The following PASD1 variants were observed in gnomAD, a reference collection of about 807,000 sequenced individuals.
The protein encoded by PASD1 is PAS domain containing repressor 1.
A neutral mutation model predicts 58.8 loss-of-function variants in PASD1; 13 were observed. The ratio of observed to expected loss-of-function variants is 0.22; its 90% confidence interval spans 0.14 to 0.35. PASD1 has a LOEUF of 0.35. Ranked by LOEUF, PASD1 falls within the 10% of genes least tolerant of loss-of-function variation. PASD1 has a pLI of 1.00. For synonymous variants in PASD1, 236 were observed against 216.7 expected (o/e 1.09, Z -0.78); for missense variants, 734 against 568.3 (o/e 1.29, Z -2.96).
chrX:151,587,225 CTTTTTT>C (rs33922090), intron 1 of PASD1, among the ~76,000 whole-genome samples: 1 of 82,483 alleles, frequency 1.2e-5, no homozygotes, highest in Admixed American at 1.6e-4. Context: ...CTGGGTTTGC[CTTTTTT>C]TTTTTTTTTT....
intron 5 of PASD1, 49 bp downstream of exon 5, chrX:151,621,078 TAAC>T: frequency 2.4e-6 from 2 of 823,762 alleles, no homozygotes; most frequent in Non-Finnish European, 3.5e-6. Context: ...AAGGGACAAG[TAAC>T]AATCGCTCAA....
rs192259466 is a variant in PASD1, at chrX:151,630,517, A to G, written c.629+4987A>G. Among the ~76,000 whole-genome samples the G allele has an allele frequency of 2.6e-3, 289 of 112,718 alleles. 1 individual carries two copies. Among genetic ancestry groups the G allele is most frequent in the African/African-American group, 9.0e-3 (279 of 31,090 alleles). The stretch of plus-strand genomic sequence containing the variant: ...GTACCCTATTGCTTGATTTTTTCAT[A>G]GACTTGTCCCTTGTCCCCATGATAT... On this transcript the variant is annotated intron_variant, in intron 8 of 15. Transcript: ENST00000370357.
intron 6 of PASD1, among the ~76,000 whole-genome samples, chrX:151,621,990 A>G (rs1248863102): frequency 9.1e-6 from 1 of 109,795 alleles, no homozygotes; most frequent in Non-Finnish European, 1.9e-5. Context: ...CATAGGCTCC[A>G]TTGGCTGGGG....
At chrX:151,636,434 C>T (rs1323442483) in intron 8 of PASD1, among the ~76,000 whole-genome samples, 1 of 111,236 alleles carries the variant, frequency 9.0e-6, no homozygotes, top group Admixed American at 9.6e-5. Context: ...AGAAATTTCT[C>T]GCTCTGTCGC....
At position 151,674,172 on chromosome X, in the gene PASD1, C is replaced by T. The variant is rs2014514835; in HGVS notation, c.2161C>T (p.Pro721Ser). ...CDEQGTLHGQ[P>S]TYHQVQVSEV... is the part of the protein sequence containing the mutation. ...TGAGCAGGGCACCCTGCACGGCCAA[C>T]CCACCTACCATCAGGTATGGGACAG... Residue 721 changes from proline (P) to serine (S), a missense_variant, in exon 15 of 16, where the codon CCC becomes TCC. Physicochemically the swap from Pro to Ser is moderately conservative, Grantham distance 74 (BLOSUM62 -1). Transcript: ENST00000370357. 7 of 1,211,986 alleles carry T rather than the reference C, an allele frequency of 5.8e-6. No individual in the cohort carries two copies. The East Asian group carries it at 2.1e-4, about 36-fold the overall frequency.
At chrX:151,636,256 T>A (rs930055797) in intron 8 of PASD1, among the ~76,000 whole-genome samples, 1 of 111,811 alleles carries the variant, frequency 8.9e-6, no homozygotes, top group African/African-American at 3.2e-5. Context: ...TGCTGAGGAG[T>A]ATTCTATTGT....
At chrX:151,634,130 T>C (rs1335748169) in intron 8 of PASD1, among the ~76,000 whole-genome samples, 1 of 111,717 alleles carries the variant, frequency 9.0e-6, no homozygotes, top group African/African-American at 3.3e-5. Context: ...AACTTTTTAT[T>C]TGAATATTGG....
chrX:151,664,903 G>A (rs760637999), intron 11 of PASD1, among the ~76,000 whole-genome samples: 1 of 112,058 alleles, frequency 8.9e-6, no homozygotes, highest in South Asian at 3.8e-4. Context: ...ATTAACTACT[G>A]TGTAGTTCCT....
intron 1 of PASD1, among the ~76,000 whole-genome samples, chrX:151,581,227 C>CAAAAAAAA (rs55664238): frequency 1.3e-4 from 4 of 31,498 alleles, no homozygotes; most frequent in South Asian, 5.0e-3. Flanking sequence ...AGCTCTGTAT[C>CAAAAAAAA]AAAAAAAAAA....
chrX:151,668,161 T>A (rs759047773), intron 11 of PASD1, among the ~76,000 whole-genome samples: 2 of 111,693 alleles, frequency 1.8e-5, no homozygotes, highest in South Asian at 7.7e-4. Flanking sequence ...ATAGCTGTTA[T>A]CATTTTGAGA....
intron 1 of PASD1, among the ~76,000 whole-genome samples, chrX:151,600,602 G>A (rs763395275): frequency 5.4e-5 from 6 of 110,462 alleles, no homozygotes; most frequent in African/African-American, 2.0e-4. Context: ...TAGCCTCTGG[G>A]AGTCCTGGCT....
chrX:151,572,198 T>TA (rs1165712377), intron 1 of PASD1, among the ~76,000 whole-genome samples: 6 of 111,649 alleles, frequency 5.4e-5, no homozygotes, highest in Admixed American at 3.8e-4. Flanking sequence ...ATAAGAGCTA[T>TA]AGCTCTTCTT....
rs1179196028 is a variant in PASD1, at chrX:151,664,103, G to T, written c.842-16G>T. On this transcript the variant is annotated splice_polypyrimidine_tract_variant and intron_variant, in intron 10 of 15. Coordinates refer to ENST00000370357, the MANE Select transcript of PASD1 (RefSeq NM_173493.3). ...TGCTTTTTAAGTCATGAACTCCCCT[G>T]TGCTTTCTTCCTCAGCCTTATCCTT... is the stretch of plus-strand genomic sequence containing the variant. 2 of 1,211,205 alleles carry T rather than the reference G, an allele frequency of 1.7e-6. No homozygotes were observed. The highest frequency in any genetic ancestry group is 2.2e-6 in the Non-Finnish European group (2 of 895,235).
At chrX:151,589,365 A>G (rs953087244) in intron 1 of PASD1, among the ~76,000 whole-genome samples, 1 of 111,624 alleles carries the variant, frequency 9.0e-6, no homozygotes, top group African/African-American at 3.3e-5. Flanking sequence ...TGTTGCAACA[A>G]CAGGTGATGT....
intron 10 of PASD1, among the ~76,000 whole-genome samples, chrX:151,660,590 A>G (rs2014297317): frequency 1.8e-5 from 2 of 112,455 alleles, no homozygotes; most frequent in South Asian, 7.3e-4. Flanking sequence ...TGATTTCTAA[A>G]ATTTATAAGA....
intron 1 of PASD1, among the ~76,000 whole-genome samples, chrX:151,595,454 T>C (rs761646128): frequency 4.4e-4 from 49 of 110,780 alleles, no homozygotes; most frequent in Non-Finnish European, 7.2e-4. Context: ...CGCAGTGGCT[T>C]ACGCCTGTAA....
At chrX:151,580,465 C>T (rs750554415) in intron 1 of PASD1, among the ~76,000 whole-genome samples, 1 of 108,612 alleles carries the variant, frequency 9.2e-6, no homozygotes, top group East Asian at 2.9e-4. Context: ...CTCCTGTTGA[C>T]CTTTTCCTTC....
At chrX:151,608,840 A>G (rs1462790944) in intron 3 of PASD1, among the ~76,000 whole-genome samples, 1 of 111,437 alleles carries the variant, frequency 9.0e-6, no homozygotes, top group Non-Finnish European at 1.9e-5. Context: ...TTTCAAATTT[A>G]TTGGCATAAA....
intron 1 of PASD1, among the ~76,000 whole-genome samples, chrX:151,586,430 G>A (rs995109839): frequency 8.9e-6 from 1 of 111,877 alleles, no homozygotes; most frequent in East Asian, 2.8e-4. Flanking sequence ...ATTTTCCAGT[G>A]CTGTCAGGTA....
Sources: gnomAD v4.1 joint callset for allele counts (sites outside exome capture counted in the v4.1 genomes callset) on GRCh38, gnomAD v4.1.1 for gene constraint, MANE v1.5 for transcripts, NCBI Gene and HGNC (gene_info 2026-07-23, HGNC 2026-07-21) for gene names.